The following FBLN7 variants were observed in gnomAD, a reference collection of about 807,000 sequenced individuals.
The protein encoded by FBLN7 is fibulin 7, also known as fibulin-7.
FBLN7 carries 31 observed loss-of-function variants against 44.0 expected under a neutral mutation model. The ratio of observed to expected loss-of-function variants is 0.70; its 90% CI spans 0.53 to 0.95. FBLN7 has a LOEUF of 0.95. FBLN7 is among the 40% of genes least tolerant of loss of function. FBLN7 has a pLI of 0.00. For synonymous variants in FBLN7, 262 were observed against 253.4 expected (o/e 1.03, Z -0.32); for missense variants, 573 against 618.5 (o/e 0.93, Z 0.78).
At chr2:112,160,030 G>A (rs182899843) in intron 2 of FBLN7, among the ~76,000 whole-genome samples, 195 bp downstream of exon 2, 3,665 of 151,228 alleles carry the variant, frequency 0.024, 129 homozygotes, top group African/African-American at 0.077. Context: ...TCGCTCTGTC[G>A]CCCAGGCTGG....
the FBLN7 span, among the ~76,000 whole-genome samples, chr2:112,203,898 GC>G: frequency 6.6e-6 from 1 of 152,112 alleles, no homozygotes; most frequent in Non-Finnish European, 1.5e-5. Context: ...GGGGGAAACT[GC>G]CCCCATGATT....
chr2:112,225,021 C>T, the FBLN7 span, among the ~76,000 whole-genome samples: 1 of 151,988 alleles, frequency 6.6e-6, no homozygotes. Flanking sequence ...TAATTTATTC[C>T]TGTTTTATTC....
At chr2:112,217,783 T>C in the FBLN7 span, among the ~76,000 whole-genome samples, 5 of 152,218 alleles carry the variant, frequency 3.3e-5, no homozygotes, top group African/African-American at 9.7e-5. Flanking sequence ...ATATTTTCAG[T>C]TGTCCTCCTC....
chr2:112,238,754 T>C, the FBLN7 span, among the ~76,000 whole-genome samples: 4 of 152,192 alleles, frequency 2.6e-5, no homozygotes, highest in African/African-American at 9.6e-5. Flanking sequence ...CACTATGACA[T>C]ATCTATCCTT....
chr2:112,240,951 CAGTGTG>C, the FBLN7 span, among the ~76,000 whole-genome samples: 1 of 118,022 alleles, frequency 8.5e-6, no homozygotes, highest in Admixed American at 9.5e-5. Flanking sequence ...GTACAGGTAA[CAGTGTG>C]TGTGTGTGTG....
chr2:112,236,213 G>A, the FBLN7 span, among the ~76,000 whole-genome samples: 2 of 152,206 alleles, frequency 1.3e-5, no homozygotes, highest in East Asian at 1.9e-4. Flanking sequence ...GCAGTGAGCC[G>A]AGATCGCACC....
At position 112,138,640 on chromosome 2, in the gene FBLN7, G is replaced by A. The variant is rs1041648235; in HGVS notation, c.-16G>A. ...AGTTATTTCCCCTCCCAGGCAGCGGGATTCCGACTGGCAAGATGGTGCCCA... is the reference window on the plus strand; with the variant it reads ...AGTTATTTCCCCTCCCAGGCAGCGGAATTCCGACTGGCAAGATGGTGCCCA... On this transcript the variant is annotated 5_prime_UTR_variant, in exon 1 of 8. Coordinates refer to ENST00000331203, the MANE Select transcript of FBLN7 (RefSeq NM_153214.3). 10 of 1,613,874 alleles carry A rather than the reference G, an allele frequency of 6.2e-6. No individual in the cohort carries two copies. The highest frequency in any genetic ancestry group is 8.5e-6 in the Non-Finnish European group (10 of 1,179,908).
the FBLN7 span, among the ~76,000 whole-genome samples, chr2:112,227,921 T>C: frequency 6.6e-6 from 1 of 151,656 alleles, no homozygotes; most frequent in Admixed American, 6.6e-5. Flanking sequence ...CATGGGTTTT[T>C]TGCAGAATGT....
rs542578674 is a variant in FBLN7, at chr2:112,180,998, C to T, written c.533-741C>T. On this transcript the variant is annotated intron_variant, in intron 4 of 7. Coordinates refer to ENST00000331203, the MANE Select transcript of FBLN7 (RefSeq NM_153214.3). The stretch of plus-strand genomic sequence containing the variant: ...GGGACATATACACCATGGAATATTA[C>T]GCAGCCACAAAAAAGAATGAGATCA... 1.3e-3 allele frequency among the ~76,000 whole-genome samples: 185 copies of T among 147,848 alleles called. 1 individual carries two copies. The highest frequency in any genetic ancestry group is 4.4e-3 in the African/African-American group (176 of 40,230).
At chr2:112,174,522 C>T (rs890440875) in intron 3 of FBLN7, among the ~76,000 whole-genome samples, 1 of 152,154 alleles carries the variant, frequency 6.6e-6, no homozygotes, top group African/African-American at 2.4e-5. Flanking sequence ...GATAGACACA[C>T]AGGAAAGGCT....
At chr2:112,238,091 C>T in the FBLN7 span, among the ~76,000 whole-genome samples, 5 of 152,148 alleles carry the variant, frequency 3.3e-5, no homozygotes, top group Admixed American at 6.5e-5. Context: ...TGATAACCCA[C>T]CTCCATCCTC....
chr2:112,224,712 A>T, the FBLN7 span, among the ~76,000 whole-genome samples: 1 of 152,360 alleles, frequency 6.6e-6, no homozygotes, highest in Admixed American at 6.5e-5. Context: ...TGAGCAAAAG[A>T]CACAAGAGTG....
rs199709086 is a variant in FBLN7 at position 112,187,300 on chromosome 2, C to T, written c.1114C>T (p.Arg372Trp). 1.5e-5 allele frequency: 25 copies of T among 1,614,100 alleles called. No individual in the cohort carries two copies. The highest frequency in any genetic ancestry group is 1.6e-4 in the Middle Eastern group (1 of 6,062). ...APGRAGPNSLRFGIVGGNSRG... is the reference protein window; with the variant it reads ...APGRAGPNSLWFGIVGGNSRG... ...CGGCCGAGCTGGGCCCAACAGCCTG[C>T]GGTTTGGGATCGTGGGTGGGAACAG... Residue 372 changes from arginine (R) to tryptophan (W), a missense_variant, in exon 8 of 8, where the codon CGG becomes TGG. Arg to Trp is a moderately radical substitution (Grantham distance 101). Coordinates refer to ENST00000331203, the MANE Select transcript of FBLN7 (RefSeq NM_153214.3). This position sits in a 1 kb window ranked among gnomAD's most constrained non-coding sequence, Gnocchi z 5.1.
intron 1 of FBLN7, among the ~76,000 whole-genome samples, chr2:112,140,091 C>G (rs1446205494): frequency 1.0e-5 from 1 of 99,402 alleles, no homozygotes; most frequent in Non-Finnish European, 2.0e-5. Context: ...CCTCTCTCCA[C>G]GCCAGCGTCC....
At chr2:112,206,703 C>T in the FBLN7 span, among the ~76,000 whole-genome samples, 422 of 145,688 alleles carry the variant, frequency 2.9e-3, 4 homozygotes, top group Non-Finnish European at 4.9e-3. Context: ...AGCCACTGTG[C>T]CTGGGCTTCT....
intron 1 of FBLN7, among the ~76,000 whole-genome samples, chr2:112,145,892 G>A (rs927657193): frequency 2.0e-5 from 3 of 152,192 alleles, no homozygotes; most frequent in African/African-American, 4.8e-5. Flanking sequence ...CTTGATTACC[G>A]TAGCTTTACA....
the FBLN7 span, among the ~76,000 whole-genome samples, chr2:112,195,065 A>C: frequency 7.9e-5 from 12 of 152,202 alleles, no homozygotes; most frequent in Non-Finnish European, 1.3e-4. Context: ...TTATTAGAGG[A>C]AGTCTAATGA....
intron 4 of FBLN7, 87 bp from the exon 5 acceptor site, chr2:112,181,651 GT>G (rs1683000059): frequency 7.6e-7 from 1 of 1,323,382 alleles, no homozygotes. Context: ...CCGTGCCTCC[GT>G]CTTGGTTCTG....
the FBLN7 span, among the ~76,000 whole-genome samples, chr2:112,221,734 T>C: frequency 6.6e-6 from 1 of 152,152 alleles, no homozygotes; most frequent in Admixed American, 6.5e-5. Context: ...TTCTTTCTTA[T>C]AATGGTCATT....
Sources: gnomAD v4.1 joint callset for allele counts (sites outside exome capture counted in the v4.1 genomes callset) on GRCh38, gnomAD v4.1.1 for gene constraint, Gnocchi (gnomAD v3.1) non-coding constraint, MANE v1.5 for transcripts, NCBI Gene and HGNC (gene_info 2026-07-23, HGNC 2026-07-21) for gene names.